Variants in ARHGAP22 observed in about 807,000 individuals in gnomAD.
ARHGAP22 encodes Rho GTPase activating protein 22.
ARHGAP22 carries 48 observed loss-of-function variants against 59.1 expected under a neutral mutation model. The observed-to-expected ratio is 0.81, with a 90% confidence interval of 0.64 to 1.03. The LOEUF is 1.03. Among genes scored for constraint, ARHGAP22 ranks in the 50% least tolerant of loss-of-function variants. ARHGAP22 has a pLI of 0.00. For synonymous variants in ARHGAP22, 445 were observed against 416.4 expected, an observed-to-expected ratio of 1.07 and a Z score of -0.84; for missense variants, 1,015 against 958.7, an observed-to-expected ratio of 1.06 and a Z score of -0.78.
chr10:48,448,012 T>A (rs2045534108), intron 9 of ARHGAP22, among the ~76,000 whole-genome samples: 1 of 151,240 alleles, frequency 6.6e-6, no homozygotes, highest in Admixed American at 6.6e-5. Context: ...AACTGGTCTG[T>A]TCTGCCCTTG....
intron 3 of ARHGAP22, among the ~76,000 whole-genome samples, chr10:48,535,488 A>G (rs1350267711): frequency 6.6e-6 from 1 of 152,220 alleles, no homozygotes. Flanking sequence ...TGCTGACAGC[A>G]GCCTCAGAAG....
At chr10:48,474,471 T>C (rs2048519693) in intron 4 of ARHGAP22, among the ~76,000 whole-genome samples, 1 of 152,246 alleles carries the variant, frequency 6.6e-6, no homozygotes, top group African/African-American at 2.4e-5. Flanking sequence ...TCTAGTACAA[T>C]GCTGAATAGA....
intron 3 of ARHGAP22, among the ~76,000 whole-genome samples, chr10:48,491,199 A>C (rs1355865519): frequency 6.7e-6 from 1 of 150,104 alleles, no homozygotes; most frequent in Non-Finnish European, 1.5e-5. Context: ...CCTCACCCCT[A>C]CTCCTGCGAC....
intron 1 of ARHGAP22, among the ~76,000 whole-genome samples, chr10:48,599,967 C>T (rs114307604): frequency 0.018 from 2,740 of 152,288 alleles, 87 homozygotes; most frequent in African/African-American, 0.062. Context: ...CCATCTGCCT[C>T]TGTGCAGCAC....
chr10:48,652,294 T>C, exon 1 of ARHGAP22: 1 of 1,535,634 alleles, frequency 6.5e-7, no homozygotes, highest in South Asian at 1.2e-5. Context: ...ATAATGAAGC[T>C]GGCAGTCTGT....
In ARHGAP22 at chr10:48,583,089, T is replaced by G. The variant is rs1471071225; in HGVS notation, c.98A>C (p.His33Pro). 5.6e-6 allele frequency: 9 copies of G among 1,614,146 alleles called. No individual in the cohort carries two copies. In the African/African-American group the frequency reaches 1.2e-4, roughly 22 times the overall value. ...SRSPGRMPCP[H>P]RLGPVLKAGW... is the part of the protein sequence containing the mutation. ...CGCCTTCAGCACGGGGCCCAGCCTG[T>G]GAGGGCACGGCATCCGCCCAGGGCT... The change falls in exon 2 of 10, where the codon CAC becomes CCC. Residue 33 changes from histidine to proline, a missense_variant. Physicochemically the swap from His to Pro is moderately conservative, Grantham distance 77 (BLOSUM62 -2). Transcript: ENST00000249601.
At chr10:48,518,771 G>A (rs1310014497) in intron 3 of ARHGAP22, among the ~76,000 whole-genome samples, 1 of 152,236 alleles carries the variant, frequency 6.6e-6, no homozygotes, top group African/African-American at 2.4e-5. Context: ...GGGTCCATGT[G>A]GGAGGCCTTG....
intron 3 of ARHGAP22, among the ~76,000 whole-genome samples, chr10:48,498,889 T>C (rs1052126499): frequency 5.9e-5 from 9 of 152,162 alleles, no homozygotes; most frequent in African/African-American, 2.2e-4. Flanking sequence ...AGTTCTATTT[T>C]ACAGGCTGCC....
intron 1 of ARHGAP22, among the ~76,000 whole-genome samples, chr10:48,589,239 TATTA>T (rs1343394872): frequency 3.3e-5 from 5 of 152,154 alleles, no homozygotes; most frequent in Admixed American, 6.5e-5. Flanking sequence ...GCTCAGACAC[TATTA>T]ATCACCCTCT....
intron 2 of ARHGAP22, among the ~76,000 whole-genome samples, chr10:48,570,233 A>C (rs1378445855): frequency 6.6e-6 from 1 of 152,242 alleles, no homozygotes. Context: ...AAAATACAGC[A>C]TCCCTTTAAA....
intron 4 of ARHGAP22, 45 bp downstream of exon 4, chr10:48,479,591 G>A: frequency 6.2e-7 from 1 of 1,613,584 alleles, no homozygotes; most frequent in African/African-American, 1.3e-5. Context: ...TGATTACCTG[G>A]AGGCAAGGGT....
In ARHGAP22 at chr10:48,479,303, C is replaced by A. The variant is rs2049040255; in HGVS notation, c.451+333G>T. Reference sequence around the variant, plus strand: ...TGTCTCACCCCTGGACACCACGAGACACATGTCCTTGTCTACCATCCCTCC... The same window carrying A: ...TGTCTCACCCCTGGACACCACGAGAAACATGTCCTTGTCTACCATCCCTCC... On this transcript the variant is annotated intron_variant, in intron 4 of 9. Coordinates refer to ENST00000249601, the MANE Select transcript of ARHGAP22 (RefSeq NM_021226.4). 3 of 436,502 alleles carry A rather than the reference C, an allele frequency of 6.9e-6. No individual in the cohort carries two copies. In the East Asian group the frequency reaches 1.3e-4, roughly 19 times the overall value. The allele number at this position is 436,502 out of a possible 1,614,324, so 27.0% of individuals were successfully genotyped here.
chr10:48,479,486 G>T, intron 4 of ARHGAP22, 150 bp downstream of exon 4: 2 of 1,437,286 alleles, frequency 1.4e-6, no homozygotes, highest in South Asian at 1.4e-5. Context: ...CCGAGGGCTG[G>T]CAGTGGAAGG....
At chr10:48,631,937 GTCTT>G (rs1380796301) in intron 1 of ARHGAP22, among the ~76,000 whole-genome samples, 3 of 152,250 alleles carry the variant, frequency 2.0e-5, no homozygotes, top group Non-Finnish European at 2.9e-5. Flanking sequence ...GTCTGGGAAA[GTCTT>G]TATTTAGTCT....
At chr10:48,447,258 T>C (rs567177716) in intron 9 of ARHGAP22, among the ~76,000 whole-genome samples, 90 of 152,336 alleles carry the variant, frequency 5.9e-4, no homozygotes, top group African/African-American at 2.1e-3. Context: ...AAGGTTGGCA[T>C]GGCCATCTTT....
chr10:48,567,707 C>A (rs535874945), intron 2 of ARHGAP22, among the ~76,000 whole-genome samples: 2 of 152,126 alleles, frequency 1.3e-5, no homozygotes, highest in South Asian at 2.1e-4. Flanking sequence ...CAGGCCTGGT[C>A]CTTTAAAAAC....
At chr10:48,468,356 T>C (rs1235078520) in intron 4 of ARHGAP22, among the ~76,000 whole-genome samples, 1 of 152,130 alleles carries the variant, frequency 6.6e-6, no homozygotes, top group African/African-American at 2.4e-5. Flanking sequence ...GGTGCAATCA[T>C]AGGGGTTCTT....
chr10:48,502,459 C>T (rs150485305), intron 3 of ARHGAP22, among the ~76,000 whole-genome samples: 91 of 152,298 alleles, frequency 6.0e-4, no homozygotes, highest in Middle Eastern at 3.4e-3. Flanking sequence ...CTTCAGGACA[C>T]GTCCCAGTTT....
intron 3 of ARHGAP22, among the ~76,000 whole-genome samples, chr10:48,533,848 G>T (rs2055096924): frequency 6.6e-6 from 1 of 152,232 alleles, no homozygotes; most frequent in African/African-American, 2.4e-5. Context: ...CTTAAGTCGG[G>T]AAGTACTTGG....
Sources: gnomAD v4.1 joint callset for allele counts (sites outside exome capture counted in the v4.1 genomes callset) on GRCh38, gnomAD v4.1.1 for gene constraint, MANE v1.5 for transcripts, NCBI Gene and HGNC (gene_info 2026-07-23, HGNC 2026-07-21) for gene names.